Variants in PLEC observed in about 807,000 individuals in gnomAD.
PLEC encodes plectin, also known as hemidesmosomal protein 1.
In PLEC, 216 loss-of-function variants were observed where a neutral mutation model predicts 392.8. The observed-to-expected ratio is 0.55, with a 90% confidence interval of 0.49 to 0.62. The LOEUF is 0.62. Ranked by LOEUF, PLEC falls within the 20% of genes least tolerant of loss-of-function variation. The pLI is 0.00. For missense variants in PLEC, 6,863 were observed against 6,563.4 expected (o/e 1.05, Z -1.58); for synonymous variants, 3,621 against 2,980.6 (o/e 1.21, Z -7.00).
Position 143,930,222 on chromosome 8 carries a change from G to A in PLEC, c.2534C>T (p.Ser845Phe), listed in dbSNP as rs879947080. ...GGAGGGCACGGCGGCCTCGCTGCCG[G>A]AGCTGCTGAGCACCTTCCAGTGGGA... ...QPSHWKVLSS[S>F]GSEAAVPSVC... Residue 845 changes from serine (S) to phenylalanine (F), a missense_variant, in exon 21 of 32, where the codon TCC becomes TTC. Coordinates refer to ENST00000345136, the MANE Select transcript of PLEC (RefSeq NM_201384.3). 5 of 1,589,370 alleles carry A rather than the reference G, an allele frequency of 3.1e-6. No individual in the cohort carries two copies. The highest frequency in any genetic ancestry group is 4.3e-6 in the Non-Finnish European group (5 of 1,173,686).
rs11991798 is a variant in PLEC, at chr8:143,928,005, C to T, written c.3261-13G>A. On this transcript the variant is annotated splice_polypyrimidine_tract_variant and intron_variant, in intron 25 of 31. Transcript: ENST00000345136. ...GATGGTCTTGAGCCTGGCGGGAAAG[C>T]GGGGCTCAGGGCCATGACATGGGGC... 28,033 of 1,587,154 alleles carry T rather than the reference C, an allele frequency of 0.018. 3,021 individuals are homozygous for T. In the African/African-American group the frequency reaches 0.28, roughly 16 times the overall value.
upstream of PLEC, among the ~76,000 whole-genome samples, chr8:143,955,376 G>A (rs1832532625): frequency 6.6e-6 from 1 of 152,134 alleles, no homozygotes; most frequent in Non-Finnish European, 1.5e-5. Flanking sequence ...AGCTACTCAG[G>A]AGGCTGAGGC....
At chr8:143,965,443 A>G (rs1833042412) in intron 1 of PLEC, among the ~76,000 whole-genome samples, 1 of 73,026 alleles carries the variant, frequency 1.4e-5, no homozygotes, top group Non-Finnish European at 3.1e-5. Context: ...GGGCCTACAG[A>G]TGACCCGGCC....
In PLEC at chr8:143,929,472, C is replaced by T. The variant is rs374666787; in HGVS notation, c.3023G>A (p.Arg1008Gln). Residue 1008 changes from arginine to glutamine, a missense_variant, in exon 24 of 32, where the codon CGG becomes CAG. Arg to Gln is a conservative substitution (Grantham distance 43, BLOSUM62 1). Coordinates refer to ENST00000345136, the MANE Select transcript of PLEC (RefSeq NM_201384.3). ...ACETRTVHRLRLPLDKEPARE... is the reference protein window; with the variant it reads ...ACETRTVHRLQLPLDKEPARE... ...TGCCGGCTCTTTGTCCAGCGGCAGC[C>T]GCAGGCGGTGCACGGTGCGCGTCTC... 106 of 1,600,486 alleles carry T rather than the reference C, an allele frequency of 6.6e-5. No homozygotes were observed. Among genetic ancestry groups the T allele is most frequent in the Middle Eastern group, 1.8e-4 (1 of 5,630 alleles).
rs782003639 is a variant in PLEC, at chr8:143,934,729, A to T, written c.947T>A (p.Ile316Asn). Residue 316 changes from isoleucine to asparagine, a missense_variant and splice_region_variant, in exon 10 of 32, where the codon ATC becomes AAC. Transcript: ENST00000345136. ...RFPSSFEEIE[I>N]LWSQFLKFKE... ...AAACTTCAGGAACTGAGACCACAGG[A>T]TCTGCCAGGGACGAGGCTGTCGGCA... 6.2e-7 allele frequency: 1 copy of T among 1,612,490 alleles called. No homozygotes were observed. Among genetic ancestry groups the T allele is most frequent in the East Asian group, 2.2e-5 (1 of 44,876 alleles).
In PLEC at chr8:143,937,889, G is replaced by T. The variant is rs1433933764; in HGVS notation, c.264+262C>A. On this transcript the variant is annotated intron_variant, in intron 3 of 31. Coordinates refer to ENST00000345136, the MANE Select transcript of PLEC (RefSeq NM_201384.3). The stretch of plus-strand genomic sequence containing the variant: ...GCGGAGCATGAGGTTACTGTGTCCC[G>T]ACGCGGAGGGCGGCAAGGCCCAGAG... The T allele has an allele frequency of 4.7e-6, 3 of 635,614 alleles. No homozygotes were observed. In the South Asian group the frequency reaches 4.8e-5, roughly 10 times the overall value. 39.4% of individuals were successfully genotyped at this position (635,614 alleles called of 1,614,324 possible). A position where few individuals can be genotyped will look rare whatever the true frequency, so the allele number is the denominator to read the frequency against.
upstream of PLEC, among the ~76,000 whole-genome samples, chr8:143,951,771 A>C (rs2132739393): frequency 6.6e-6 from 1 of 152,266 alleles, no homozygotes; most frequent in African/African-American, 2.4e-5. Flanking sequence ...GGGTGGAAGA[A>C]TGCCAGGCCA....
rs782074353 is a variant in PLEC at position 143,917,420 on chromosome 8, G to A, written c.12401C>T (p.Ser4134Phe). 6.2e-6 allele frequency: 10 copies of A among 1,613,090 alleles called. No individual in the cohort carries two copies. The highest frequency in any genetic ancestry group is 2.2e-5 in the South Asian group (2 of 91,074). ...KKRERKTSSK[S>F]SVRKRRVVIV... ...GACCACTCGGCGCTTGCGCACGGAG[G>A]ACTTGGAGGACGTCTTCCGCTCCCG... Residue 4134 changes from serine (S) to phenylalanine (F), a missense_variant, in exon 32 of 32, where the codon TCC becomes TTC. Coordinates refer to ENST00000345136, the MANE Select transcript of PLEC (RefSeq NM_201384.3).
At chr8:143,946,970 C>T (rs1265865669) in intron 1 of PLEC, among the ~76,000 whole-genome samples, 2 of 152,170 alleles carry the variant, frequency 1.3e-5, no homozygotes, top group African/African-American at 4.8e-5. Context: ...CTCCCCTCTC[C>T]ATACCTCTCC....
Position 143,923,064 on chromosome 8 carries a change from C to G in PLEC, c.6865G>C (p.Glu2289Gln). Reference protein sequence around the residue: ...EAARLSVAAQEAARLRQLAEE... With the variant: ...EAARLSVAAQQAARLRQLAEE... ...GCCAGCTGCCGCAGTCGCGCAGCCT[C>G]TTGGGCCGCCACACTCAGCCGCGCG... Residue 2289 changes from glutamate (E) to glutamine (Q), a missense_variant, in exon 31 of 32, where the codon GAG becomes CAG. Coordinates refer to ENST00000345136, the MANE Select transcript of PLEC (RefSeq NM_201384.3). 1 of 1,610,304 alleles carries G rather than the reference C, an allele frequency of 6.2e-7. No individual in the cohort carries two copies. The highest frequency in any genetic ancestry group is 8.5e-7 in the Non-Finnish European group (1 of 1,179,820).
chr8:143,933,785 A>G (rs1395745991), intron 12 of PLEC, among the ~76,000 whole-genome samples: 1 of 152,192 alleles, frequency 6.6e-6, no homozygotes, highest in African/African-American at 2.4e-5. Flanking sequence ...CCCCGTGGCC[A>G]GAAACCAACT....
upstream of PLEC, among the ~76,000 whole-genome samples, chr8:143,952,216 A>ACG (rs1253998167): frequency 5.2e-5 from 5 of 96,508 alleles, no homozygotes; most frequent in African/African-American, 1.5e-4. Context: ...ACACGCGCGC[A>ACG]CACACGCACG....
upstream of PLEC, chr8:143,953,918 A>C (rs1832443246): frequency 1.4e-6 from 2 of 1,450,506 alleles, no homozygotes; most frequent in Non-Finnish European, 1.8e-6. Context: ...TCAGCTGATC[A>C]ATGCGCCGGA....
At position 143,919,147 on chromosome 8, in the gene PLEC, G is replaced by A. The variant is rs908288236; in HGVS notation, c.10674C>T (p.Tyr3558=). 1.4e-5 allele frequency: 23 copies of A among 1,613,348 alleles called. No homozygotes were observed. Among genetic ancestry groups the A allele is most frequent in the Middle Eastern group, 1.6e-4 (1 of 6,084 alleles). ...ATGCCCTTCTTGTCTCCTCCTCAGT[G>A]TACACCTGCGTGGTCTCCACCACCT... is the stretch of plus-strand genomic sequence containing the variant. ...KAEVVETTQV[Y]TEEETRRAFE... Residue 3558 remains tyrosine (Y), a synonymous_variant, in exon 32 of 32, where the codon TAC becomes TAT. Coordinates refer to ENST00000345136, the MANE Select transcript of PLEC (RefSeq NM_201384.3).
Position 143,935,324 on chromosome 8 carries a change from C to T in PLEC, c.603-11G>A. ...TCGATGAGCAGGGGCCTGGGACAAG[C>T]AGGTGGCTGGTCAGGTGGGTGGGAC... On this transcript the variant is annotated splice_polypyrimidine_tract_variant and intron_variant, in intron 6 of 31. Coordinates refer to ENST00000345136, the MANE Select transcript of PLEC (RefSeq NM_201384.3). The T allele has an allele frequency of 6.3e-7, 1 of 1,592,396 alleles. No homozygotes were observed. Among genetic ancestry groups the T allele is most frequent in the East Asian group, 2.2e-5 (1 of 44,718 alleles).
chr8:143,972,975 G>A (rs903888271), intron 1 of PLEC, among the ~76,000 whole-genome samples: 237 of 152,354 alleles, frequency 1.6e-3, no homozygotes, highest in African/African-American at 5.4e-3. Context: ...AGTTTAGGGA[G>A]GTGAGGAGAG....
chr8:143,975,103 C>T (rs2133005110), upstream of PLEC: 2 of 1,506,870 alleles, frequency 1.3e-6, no homozygotes, highest in Non-Finnish European at 1.8e-6. The surrounding 1 kb of genome is among the most constrained non-coding windows in gnomAD (Gnocchi z 9.9). Context: ...CCCGCTCCAG[C>T]GCCTAGCACG....
rs369013440 is a variant in PLEC at position 143,921,325 on chromosome 8, G to A, written c.8496C>T (p.Arg2832=). 195 of 1,613,888 alleles carry A rather than the reference G, an allele frequency of 1.2e-4. No homozygotes were observed. Among genetic ancestry groups the A allele is most frequent in the African/African-American group, 1.1e-3 (82 of 75,066 alleles). ...GGTTCATCTCCTCGTCGAAGTAGCC[G>A]CGCCGGTAGGCCACGTCCACGGGCA... is the stretch of plus-strand genomic sequence containing the variant. ...HRVPVDVAYR[R]GYFDEEMNRV... is the part of the protein sequence containing the mutation. The change falls in exon 32 of 32, where the codon CGC becomes CGT. Residue 2832 remains arginine (R), a synonymous_variant. Transcript: ENST00000345136.
chr8:143,924,979 C>T lies in PLEC; in HGVS notation c.4950G>A (p.Glu1650=), dbSNP rs1554700054. ...EALRLRLQAE[E]VAQQKSLAQA... ...GCGCCAGGCTCTTCTGCTGCGCCAC[C>T]TCCTCCGCCTGCAGCCGCAGCCGTA... Residue 1650 remains glutamate (E), a synonymous_variant, in exon 31 of 32, where the codon GAG becomes GAA. Coordinates refer to ENST00000345136, the MANE Select transcript of PLEC (RefSeq NM_201384.3). The T allele has an allele frequency of 1.9e-6, 3 of 1,577,828 alleles. No homozygotes were observed. Among genetic ancestry groups the T allele is most frequent in the Non-Finnish European group, 2.6e-6 (3 of 1,170,166 alleles).
Sources: gnomAD v4.1 joint callset for allele counts (sites outside exome capture counted in the v4.1 genomes callset) on GRCh38, gnomAD v4.1.1 for gene constraint, Gnocchi (gnomAD v3.1) non-coding constraint, MANE v1.5 for transcripts, NCBI Gene and HGNC (gene_info 2026-07-23, HGNC 2026-07-21) for gene names.